Variants in CUL2 observed in about 807,000 individuals in gnomAD.
CUL2 encodes cullin 2, also known as cullin-2.
A neutral mutation model predicts 110.2 loss-of-function variants in CUL2; 22 were observed. That is an observed-to-expected ratio of 0.20 (90% CI 0.14 to 0.28). The LOEUF (loss-of-function observed/expected upper bound fraction) is 0.28, where lower values mean the gene tolerates loss of function less well. CUL2 is among the 10% of genes least tolerant of loss of function. CUL2 has a pLI of 1.00. For missense variants in CUL2, 631 were observed against 905.5 expected (o/e 0.70, Z 3.89); for synonymous variants, 279 against 293.2 (o/e 0.95, Z 0.49).
rs542779920 is a variant in CUL2, at chr10:35,103,426, G to A, written c.-50-2366C>T. ...TGCAAGCTCCGCCTCCCGGGTTCAC[G>A]CCATTCTCCTGCCTCAGCCTCCCGA... On this transcript the variant is annotated intron_variant, in intron 1 of 5. Transcript: ENST00000685421. 3.0e-4 allele frequency among the ~76,000 whole-genome samples: 43 copies of A among 144,928 alleles called. No homozygotes were observed. The South Asian group carries it at 7.2e-3, about 24-fold the overall frequency.
Position 35,054,558 on chromosome 10 carries a change from A to G in CUL2, c.318-19T>C, listed in dbSNP as rs534492484. 2.1e-5 allele frequency: 28 copies of G among 1,334,388 alleles called. No individual in the cohort carries two copies. Among genetic ancestry groups the G allele is most frequent in the Middle Eastern group, 2.0e-4 (1 of 5,014 alleles). The allele number at this position is 1,334,388 out of a possible 1,614,324, so 82.7% of individuals were successfully genotyped here. A position where few individuals can be genotyped will look rare whatever the true frequency, so the allele number is the denominator to read the frequency against. ...GAGATACCTGGAAAATAAATGTAAT[A>G]TCAATGGATATTAAGTTAAAGTCAG... On this transcript the variant is annotated intron_variant, in intron 4 of 20. Coordinates refer to ENST00000374749, the MANE Select transcript of CUL2 (RefSeq NM_003591.4).
intron 17 of CUL2, 122 bp from the exon 18 acceptor site, chr10:35,016,516 C>T: frequency 1.3e-6 from 1 of 760,412 alleles, no homozygotes; most frequent in Non-Finnish European, 2.1e-6. Context: ...TGTTGTAAAG[C>T]CACTGCTGTT....
chr10:35,047,754 T>C (rs1015908678), intron 6 of CUL2, among the ~76,000 whole-genome samples: 1 of 148,884 alleles, frequency 6.7e-6, no homozygotes, highest in African/African-American at 2.5e-5. Flanking sequence ...CGGTCTCTAC[T>C]AAAAATACAA....
In CUL2 at chr10:35,121,412, A is replaced by C. The variant is rs541605882; in HGVS notation, c.-51+5193T>G. Among the ~76,000 whole-genome samples, 4 of 152,288 alleles carry C rather than the reference A, an allele frequency of 2.6e-5. No homozygotes were observed. The East Asian group carries it at 5.8e-4, about 22-fold the overall frequency. ...AGCTGATTTTTTGTATTTTTAGTAG[A>C]GATGGGGTTTCGCCATGTTGGCCAG... On this transcript the variant is annotated intron_variant, in intron 1 of 5. Transcript: ENST00000685421.
chr10:35,105,078 CA>C (rs1295152476), intron 1 of CUL2, among the ~76,000 whole-genome samples: 1 of 150,984 alleles, frequency 6.6e-6, no homozygotes, highest in South Asian at 2.1e-4. Context: ...TTGAAACAAA[CA>C]ACACGACATT....
rs142903918 is a variant in CUL2, at chr10:35,070,940, A to AT, written c.119+258dup. ...ATTTCTATTTTTATAATAGAAAGGA[A>AT]TTTTTTTTTGTTCACCAACTGTATT... On this transcript the variant is annotated intron_variant, in intron 2 of 20. Transcript: ENST00000374749. 5.3e-5 allele frequency among the ~76,000 whole-genome samples: 8 copies of AT among 151,596 alleles called. No homozygotes were observed. The South Asian group carries it at 6.3e-4, about 12-fold the overall frequency.
chr10:35,038,824 CTA>C (rs896229377), intron 9 of CUL2, 94 bp downstream of exon 9: 7 of 674,328 alleles, frequency 1.0e-5, no homozygotes, highest in Non-Finnish European at 1.4e-5. Context: ...ATTTTAAAGA[CTA>C]TTACTAAAAT....
intron 2 of CUL2, among the ~76,000 whole-genome samples, chr10:35,070,381 CA>C (rs1027961209): frequency 4.6e-5 from 7 of 152,168 alleles, no homozygotes; most frequent in Non-Finnish European, 8.8e-5. Flanking sequence ...TTAATATTAA[CA>C]ACTGAATTAG....
At chr10:35,092,631 A>G (rs1422069271), upstream of CUL2, among the ~76,000 whole-genome samples, 1 of 152,210 alleles carries the variant, frequency 6.6e-6, no homozygotes, top group Non-Finnish European at 1.5e-5. Flanking sequence ...CTGCCTTTGC[A>G]AAACATGATA....
intron 15 of CUL2, among the ~76,000 whole-genome samples, chr10:35,029,195 T>A (rs1429620720): frequency 6.6e-6 from 1 of 152,056 alleles, no homozygotes; most frequent in African/African-American, 2.4e-5. Flanking sequence ...GTAACTGGGA[T>A]TACAGGCACG....
In CUL2 at chr10:35,010,288, C is replaced by G; in HGVS notation, c.*23G>C. On this transcript the variant is annotated 3_prime_UTR_variant, in exon 21 of 21. Transcript: ENST00000374749. Reference sequence around the variant, plus strand: ...AATGGTGATGGCAATGATCTTCTCACACCACGCTGGAGGAGAGCGACATCA... The same window carrying G: ...AATGGTGATGGCAATGATCTTCTCAGACCACGCTGGAGGAGAGCGACATCA... 6.3e-7 allele frequency: 1 copy of G among 1,578,856 alleles called. No homozygotes were observed. The highest frequency in any genetic ancestry group is 8.6e-7 in the Non-Finnish European group (1 of 1,160,976).
intron 5 of CUL2, 149 bp from the exon 6 acceptor site, chr10:35,049,914 A>G: frequency 1.8e-6 from 1 of 563,190 alleles, no homozygotes; most frequent in East Asian, 3.0e-5. Context: ...AAAAATTTAA[A>G]AACTCAAAGA....
At chr10:35,018,336 G>C (rs1412160419) in intron 17 of CUL2, among the ~76,000 whole-genome samples, 1 of 142,884 alleles carries the variant, frequency 7.0e-6, no homozygotes, top group Admixed American at 7.0e-5. Context: ...CATGAGATTT[G>C]ATTTTAAAGC....
At chr10:35,057,404 C>A (rs2086264310) in intron 4 of CUL2, among the ~76,000 whole-genome samples, 1 of 152,036 alleles carries the variant, frequency 6.6e-6, no homozygotes, top group South Asian at 2.1e-4. Context: ...TGTCTGTAAT[C>A]CTGGCACTTT....
At chr10:35,014,660 C>T (rs1273168067) in intron 18 of CUL2, among the ~76,000 whole-genome samples, 2 of 151,684 alleles carry the variant, frequency 1.3e-5, no homozygotes, top group South Asian at 2.1e-4. Context: ...AAGCAAAACC[C>T]GGTCTCTACT....
At chr10:35,050,205 C>T (rs959905607) in intron 5 of CUL2, among the ~76,000 whole-genome samples, 10 of 151,846 alleles carry the variant, frequency 6.6e-5, no homozygotes, top group Admixed American at 2.0e-4. Context: ...CCTGTAATCC[C>T]AGCTACTCGG....
intron 10 of CUL2, among the ~76,000 whole-genome samples, chr10:35,034,181 G>C (rs1403100436): frequency 6.6e-6 from 1 of 152,202 alleles, no homozygotes; most frequent in Non-Finnish European, 1.5e-5. Context: ...ATTCACTTAT[G>C]TTTCCATCTC....
At chr10:35,093,334 C>A (rs1003632043), upstream of CUL2, among the ~76,000 whole-genome samples, 3 of 151,982 alleles carry the variant, frequency 2.0e-5, no homozygotes, top group Non-Finnish European at 2.9e-5. Context: ...CCAAGAAGAA[C>A]CCATCTGGCC....
At chr10:35,066,119 C>T (rs1304447354) in intron 2 of CUL2, among the ~76,000 whole-genome samples, 4 of 152,098 alleles carry the variant, frequency 2.6e-5, no homozygotes, top group African/African-American at 9.7e-5. Flanking sequence ...GTGTTTCCTA[C>T]GCTTGGCTTA....
Sources: gnomAD v4.1 joint callset for allele counts (sites outside exome capture counted in the v4.1 genomes callset) on GRCh38, gnomAD v4.1.1 for gene constraint, MANE v1.5 for transcripts, NCBI Gene and HGNC (gene_info 2026-07-23, HGNC 2026-07-21) for gene names.